USP32: variants seen among roughly 807,000 people sequenced by gnomAD.
The protein encoded by USP32 is ubiquitin specific peptidase 32, also known as ubiquitin carboxyl-terminal hydrolase 32.
A neutral mutation model predicts 204.8 loss-of-function variants in USP32; 59 were observed. That is an observed-to-expected ratio of 0.29 (90% CI 0.23 to 0.36). The LOEUF (loss-of-function observed/expected upper bound fraction) is 0.36, where lower values mean the gene tolerates loss of function less well. Among genes scored for constraint, USP32 ranks in the 10% least tolerant of loss-of-function variants. USP32 has a pLI of 1.00. For synonymous variants in USP32, 517 were observed against 678.4 expected, an observed-to-expected ratio of 0.76 and a Z score of 3.70; for missense variants, 1,160 against 1,946.4, an observed-to-expected ratio of 0.60 and a Z score of 7.60.
At chr17:60,211,966 A>C in intron 19 of USP32, 58 bp downstream of exon 19, 1 of 1,388,644 alleles carries the variant, frequency 7.2e-7, no homozygotes, top group East Asian at 2.5e-5. Context: ...AGTTGAGAGA[A>C]GAAAAAAAAA....
In USP32 at chr17:60,185,665, G is replaced by C; in HGVS notation, c.3643-14C>G. The C allele has an allele frequency of 6.2e-7, 1 of 1,604,424 alleles. No individual in the cohort carries two copies. Among genetic ancestry groups the C allele is most frequent in the Non-Finnish European group, 8.5e-7 (1 of 1,173,932 alleles). ...CTCATCTACAACCTGCAGGTAGAGG[G>C]AACAGGAGGAAAGGGGTGCGTGGGA... On this transcript the variant is annotated splice_polypyrimidine_tract_variant and intron_variant, in intron 29 of 33. Coordinates refer to ENST00000300896, the MANE Select transcript of USP32 (RefSeq NM_032582.4).
At chr17:60,391,780 C>T in intron 1 of USP32, 102 bp downstream of exon 1, 2 of 1,319,918 alleles carry the variant, frequency 1.5e-6, no homozygotes, top group Non-Finnish European at 2.1e-6. Flanking sequence ...CCGCCTCAGG[C>T]GCCCCACGCC....
intron 12 of USP32, among the ~76,000 whole-genome samples, chr17:60,234,646 C>T (rs1351893649): frequency 1.3e-5 from 2 of 151,542 alleles, no homozygotes; most frequent in Admixed American, 6.6e-5. Context: ...AGAAGAATGG[C>T]GTGAACCTGG....
At position 60,199,536 on chromosome 17, in the gene USP32, G is replaced by A. The variant is rs185973967; in HGVS notation, c.3250-1092C>T. ...AACCTTTGAACATTTAATTCCCTAA[G>A]AAGTTTGGTATTTATTGAGTAGTTA... On this transcript the variant is annotated intron_variant, in intron 26 of 33. Coordinates refer to ENST00000300896, the MANE Select transcript of USP32 (RefSeq NM_032582.4). 1.1e-4 allele frequency among the ~76,000 whole-genome samples: 17 copies of A among 152,250 alleles called. No homozygotes were observed. The East Asian group carries it at 3.3e-3, about 29-fold the overall frequency.
At chr17:60,382,724 T>C (rs1311081603) in intron 1 of USP32, among the ~76,000 whole-genome samples, 2 of 152,158 alleles carry the variant, frequency 1.3e-5, no homozygotes, top group African/African-American at 4.8e-5. Flanking sequence ...GGATAATACT[T>C]GTCATCATAA....
intron 13 of USP32, among the ~76,000 whole-genome samples, chr17:60,225,430 C>A (rs1008436780): frequency 6.6e-6 from 1 of 152,084 alleles, no homozygotes; most frequent in African/African-American, 2.4e-5. Flanking sequence ...GTACTCCAGC[C>A]TGGGTGACAG....
In USP32 at chr17:60,211,419, T is replaced by C; in HGVS notation, c.2275A>G (p.Thr759Ala). The C allele has an allele frequency of 1.2e-6, 2 of 1,613,650 alleles. No individual in the cohort carries two copies. Among genetic ancestry groups the C allele is most frequent in the East Asian group, 2.2e-5 (1 of 44,890 alleles). Residue 759 changes from threonine (T) to alanine (A), a missense_variant, in exon 20 of 34, where the codon ACA becomes GCA. This residue lies in a region of USP32 where 132 missense variants were observed against 432.8 expected (regional missense o/e 0.30). Coordinates refer to ENST00000300896, the MANE Select transcript of USP32 (RefSeq NM_032582.4). ...TGTCTCCCTGAGATAAAATACTGTG[T>C]CAGTGGCTGTGTGTTACTAACACAC... ...IQCVSNTQPLTQYFISGRHLY... is the reference protein window; with the variant it reads ...IQCVSNTQPLAQYFISGRHLY...
At chr17:60,294,130 T>G (rs529239914) in intron 4 of USP32, among the ~76,000 whole-genome samples, 1 of 152,296 alleles carries the variant, frequency 6.6e-6, no homozygotes, top group East Asian at 1.9e-4. Flanking sequence ...GGTCTTGAAC[T>G]CCTGGGCTCA....
chr17:60,225,239 G>T (rs577225404), intron 13 of USP32, among the ~76,000 whole-genome samples: 1 of 151,818 alleles, frequency 6.6e-6, no homozygotes, highest in African/African-American at 2.4e-5. Flanking sequence ...GACTGCTTGA[G>T]CCTGGGAGTT....
At chr17:60,329,966 A>G (rs2088341073) in intron 2 of USP32, among the ~76,000 whole-genome samples, 1 of 152,234 alleles carries the variant, frequency 6.6e-6, no homozygotes. Context: ...AGTTATTCGT[A>G]TGCCCTTGCA....
upstream of USP32, among the ~76,000 whole-genome samples, chr17:60,396,510 T>C (rs1009075941): frequency 6.6e-6 from 1 of 152,192 alleles, no homozygotes; most frequent in Non-Finnish European, 1.5e-5. Context: ...TTAAAGAAAT[T>C]TCTCCTCTCT....
chr17:60,272,030 G>T (rs1280716639), intron 5 of USP32, among the ~76,000 whole-genome samples: 1 of 152,082 alleles, frequency 6.6e-6, no homozygotes, highest in Non-Finnish European at 1.5e-5. Flanking sequence ...GGTCAGGCTG[G>T]TCCCAAACTC....
chr17:60,334,968 T>C (rs1228696321), intron 2 of USP32, among the ~76,000 whole-genome samples: 4 of 142,182 alleles, frequency 2.8e-5, no homozygotes, highest in African/African-American at 1.2e-4. Context: ...CACGTTTTTT[T>C]ATTTAACAGT....
intron 11 of USP32, among the ~76,000 whole-genome samples, chr17:60,243,307 TACAG>T (rs1251251411): frequency 6.6e-6 from 1 of 152,236 alleles, no homozygotes; most frequent in African/African-American, 2.4e-5. Flanking sequence ...TATCTGCAAT[TACAG>T]ACAGTTTTAT....
chr17:60,234,441 T>C (rs113860838), intron 12 of USP32, among the ~76,000 whole-genome samples: 3,150 of 151,018 alleles, frequency 0.021, 130 homozygotes, highest in African/African-American at 0.072. Context: ...AAAAAAATTT[T>C]TTTGGACCGG....
chr17:60,374,156 C>T (rs1212984285), intron 1 of USP32, among the ~76,000 whole-genome samples: 2 of 151,852 alleles, frequency 1.3e-5, no homozygotes, highest in African/African-American at 2.4e-5. Flanking sequence ...TGCACTCTAG[C>T]CTCAGGGACA....
Position 60,223,414 on chromosome 17 carries a change from T to C in USP32, c.1605A>G (p.Val535=), listed in dbSNP as rs775707507. The change falls in exon 14 of 34, where the codon GTA becomes GTG. Residue 535 remains valine, a synonymous_variant. Coordinates refer to ENST00000300896, the MANE Select transcript of USP32 (RefSeq NM_032582.4). Reference sequence around the variant, plus strand: ...GTTTAGATGTAAAATTACTTACCTTTACTGGTTCTTGAGTTACTAATGGCT... The same window carrying C: ...GTTTAGATGTAAAATTACTTACCTTCACTGGTTCTTGAGTTACTAATGGCT... The part of the protein sequence containing the change: ...DNQPLVTQEP[V]KATSLTLEGG... The C allele has an allele frequency of 1.1e-5, 18 of 1,604,692 alleles. No homozygotes were observed. The highest frequency in any genetic ancestry group is 1.8e-5 in the Admixed American group (1 of 57,106).
At position 60,222,420 on chromosome 17, in the gene USP32, A is replaced by G; in HGVS notation, c.1738T>C (p.Leu580=). The G allele has an allele frequency of 6.2e-7, 1 of 1,613,902 alleles. No individual in the cohort carries two copies. Among genetic ancestry groups the G allele is most frequent in the Non-Finnish European group, 8.5e-7 (1 of 1,179,880 alleles). The change falls in exon 15 of 34, where the codon TTA becomes CTA. Residue 580 remains leucine (L), a synonymous_variant. Coordinates refer to ENST00000300896, the MANE Select transcript of USP32 (RefSeq NM_032582.4). The stretch of plus-strand genomic sequence containing the variant: ...TTAACTATACTTACTGGTCTAGGTA[A>G]GGCCAGGTTTGCTCCATACCAGTGA... ...LYHWYGANLA[L]PRPVIKNSKT...
At chr17:60,378,343 G>T (rs990755413) in intron 1 of USP32, among the ~76,000 whole-genome samples, 35 of 152,152 alleles carry the variant, frequency 2.3e-4, no homozygotes, top group African/African-American at 8.2e-4. Context: ...GTGCATTGCT[G>T]GTGGAAATAT....
Sources: gnomAD v4.1 joint callset for allele counts (sites outside exome capture counted in the v4.1 genomes callset) on GRCh38, gnomAD v4.1.1 for gene constraint, gnomAD v4.1.1 regional missense constraint, MANE v1.5 for transcripts, NCBI Gene and HGNC (gene_info 2026-07-23, HGNC 2026-07-21) for gene names.